CEP55: variants seen among roughly 807,000 people sequenced by gnomAD.
CEP55 encodes centrosomal protein of 55 kDa.
In CEP55, 57 loss-of-function variants were observed where a neutral mutation model predicts 63.2. The ratio of observed to expected loss-of-function variants is 0.90; its 90% CI spans 0.73 to 1.13. The LOEUF (loss-of-function observed/expected upper bound fraction) is 1.13, where lower values mean the gene tolerates loss of function less well. Ranked by LOEUF, CEP55 falls within the 50% of genes most tolerant of loss-of-function variation. CEP55 has a pLI of 0.00. For missense variants in CEP55, 456 were observed against 518.9 expected, an observed-to-expected ratio of 0.88 and a Z score of 1.18; for synonymous variants, 178 against 191.6, an observed-to-expected ratio of 0.93 and a Z score of 0.59.
At chr10:93,509,072 C>T (rs976512752) in intron 4 of CEP55, among the ~76,000 whole-genome samples, 1 of 151,958 alleles carries the variant, frequency 6.6e-6, no homozygotes, top group Non-Finnish European at 1.5e-5. Context: ...TAGAAAAGTA[C>T]CTGAAAATAG....
chr10:93,499,548 G>T (rs1438291559), intron 1 of CEP55, among the ~76,000 whole-genome samples: 1 of 136,482 alleles, frequency 7.3e-6, no homozygotes, highest in Admixed American at 7.7e-5. Context: ...TTGAGACGGA[G>T]TCTTGCTGTG....
In CEP55 at chr10:93,502,970, G is replaced by T; in HGVS notation, c.184-143G>T. ...TGAGCTATCTGAACATAAAACTTTG[G>T]CTTCCTAATCTTTTTTGGCCTTGGT... On this transcript the variant is annotated intron_variant, in intron 2 of 8. Coordinates refer to ENST00000371485, the MANE Select transcript of CEP55 (RefSeq NM_018131.5). 3 of 730,096 alleles carry T rather than the reference G, an allele frequency of 4.1e-6. No individual in the cohort carries two copies. In the South Asian group the frequency reaches 6.0e-5, roughly 15 times the overall value. 45.2% of individuals were successfully genotyped at this position (730,096 alleles called of 1,614,324 possible). A position where few individuals can be genotyped will look rare whatever the true frequency, so the allele number is the denominator to read the frequency against.
At chr10:93,511,347 A>G (rs2134472447) in intron 4 of CEP55, among the ~76,000 whole-genome samples, 1 of 152,326 alleles carries the variant, frequency 6.6e-6, no homozygotes, top group African/African-American at 2.4e-5. Flanking sequence ...CAAAGCTGGA[A>G]GGCATATCTA....
chr10:93,497,235 T>G (rs73323481), intron 1 of CEP55, among the ~76,000 whole-genome samples: 6,942 of 152,244 alleles, frequency 0.046, 531 homozygotes, highest in African/African-American at 0.16. Context: ...ATGACTTAGG[T>G]CACTTCAGCT....
intron 2 of CEP55, 86 bp downstream of exon 2, chr10:93,500,320 C>A: frequency 1.8e-6 from 2 of 1,119,150 alleles, no homozygotes; most frequent in Non-Finnish European, 2.6e-6. Context: ...CTTACTCTTG[C>A]CGTGTTCCCT....
At chr10:93,519,418 T>G (rs1028261967) in intron 7 of CEP55, among the ~76,000 whole-genome samples, 1 of 152,208 alleles carries the variant, frequency 6.6e-6, no homozygotes, top group African/African-American at 2.4e-5. Context: ...AAAAGGTGGA[T>G]AGGGAGGAGT....
Position 93,527,995 on chromosome 10 carries a change from C to T in CEP55, c.1237C>T (p.Gln413Ter). The T allele has an allele frequency of 6.2e-7, 1 of 1,613,954 alleles. No individual in the cohort carries two copies. The highest frequency in any genetic ancestry group is 8.5e-7 in the Non-Finnish European group (1 of 1,179,988). ...CATCACAGAGCCATTAGTCACTTTC[C>T]AAGGAGAGACTGAAAACAGAGAAAA... ...FAITEPLVTF[Q>*]GETENREKVA... The change falls in exon 9 of 9, where the codon CAA (glutamine) becomes TAA (stop). Residue 413 changes from glutamine (Q) to a stop codon, truncating the protein, a stop_gained. Transcript: ENST00000371485. LOFTEE classifies it high-confidence loss of function.
chr10:93,515,423 CA>C lies in CEP55; in HGVS notation c.548del (p.Gln183ArgfsTer13). The C allele has an allele frequency of 6.2e-7, 1 of 1,600,492 alleles. No homozygotes were observed. Among genetic ancestry groups the C allele is most frequent in the Non-Finnish European group, 8.5e-7 (1 of 1,169,864 alleles). On this transcript the variant is annotated frameshift_variant, in exon 5 of 9. Coordinates refer to ENST00000371485, the MANE Select transcript of CEP55 (RefSeq NM_018131.5). LOFTEE classifies it high-confidence loss of function. ...QLKDALEKNQ[Q>X]WLVYDQQREV... ...CATTAAGGCTCTGGAGAAAAATCAGCAGTGGCTCGTGTATGATCAGCAGCGG... is the reference window on the plus strand; with the variant it reads ...CATTAAGGCTCTGGAGAAAAATCAGCGTGGCTCGTGTATGATCAGCAGCGG...
At position 93,528,057 on chromosome 10, in the gene CEP55, C is replaced by T. The variant is rs768963170; in HGVS notation, c.1299C>T (p.Leu433=). Residue 433 remains leucine (L), a synonymous_variant, in exon 9 of 9, where the codon CTC becomes CTT. Transcript: ENST00000371485. ...CACCAAAAAGTCCCACTGCTGCACT[C>T]AATGAAAGCCTGGTGGAATGTCCCA... ...AASPKSPTAA[L]NESLVECPKC... 12 of 1,613,984 alleles carry T rather than the reference C, an allele frequency of 7.4e-6. No individual in the cohort carries two copies. The Admixed American group carries it at 2.0e-4, about 27-fold the overall frequency.
chr10:93,515,722 G>A (rs1008064497), intron 5 of CEP55, among the ~76,000 whole-genome samples, 167 bp downstream of exon 5: 1 of 152,134 alleles, frequency 6.6e-6, no homozygotes, highest in Non-Finnish European at 1.5e-5. Context: ...ATTTCCTAAC[G>A]TTTTCAGATC....
Position 93,503,329 on chromosome 10 carries a change from G to T in CEP55, c.400G>T (p.Ala134Ser). 1 of 1,614,196 alleles carries T rather than the reference G, an allele frequency of 6.2e-7. No individual in the cohort carries two copies. The highest frequency in any genetic ancestry group is 8.5e-7 in the Non-Finnish European group (1 of 1,180,030). ...EKDVLKQQLS[A>S]ATSRIAELES... ...AGACGTATTGAAACAACAGTTGTCT[G>T]CTGCAACCTCACGAATTGCTGAACT... Residue 134 changes from alanine (A) to serine (S), a missense_variant, in exon 3 of 9, where the codon GCT (alanine) becomes TCT (serine). Transcript: ENST00000371485.
At chr10:93,527,820 G>A in intron 8 of CEP55, 130 bp from the exon 9 acceptor site, 1 of 724,078 alleles carries the variant, frequency 1.4e-6, no homozygotes, top group Non-Finnish European at 2.3e-6. Flanking sequence ...GGTCGAGGCT[G>A]CAGTGAGCCA....
chr10:93,513,845 G>A (rs2057774515), intron 4 of CEP55, among the ~76,000 whole-genome samples: 2 of 152,206 alleles, frequency 1.3e-5, no homozygotes, highest in Non-Finnish European at 2.9e-5. Flanking sequence ...GTATATCTGT[G>A]TGTCTGCTCC....
At chr10:93,521,444 C>G (rs558772505) in intron 8 of CEP55, among the ~76,000 whole-genome samples, 1 of 152,090 alleles carries the variant, frequency 6.6e-6, no homozygotes, top group Non-Finnish European at 1.5e-5. Context: ...ACAAAGCGGC[C>G]GGGAAGCTCG....
At chr10:93,500,566 GT>G (rs1310750701) in intron 2 of CEP55, among the ~76,000 whole-genome samples, 2 of 152,108 alleles carry the variant, frequency 1.3e-5, no homozygotes, top group African/African-American at 2.4e-5. Flanking sequence ...AGTATGCTCT[GT>G]TTCTCAGTTA....
chr10:93,503,149 G>A lies in CEP55; in HGVS notation c.220G>A (p.Ala74Thr). 3 of 1,614,076 alleles carry A rather than the reference G, an allele frequency of 1.9e-6. No homozygotes were observed. Among genetic ancestry groups the A allele is most frequent in the Non-Finnish European group, 2.5e-6 (3 of 1,179,996 alleles). Reference sequence around the variant, plus strand: ...CCTTGAGGCTGAGAAGGAGAAGAATGCTTATCAACTCACAGAGAAGGACAA... The same window carrying A: ...CCTTGAGGCTGAGAAGGAGAAGAATACTTATCAACTCACAGAGAAGGACAA... ...RVLEAEKEKN[A>T]YQLTEKDKEI... Residue 74 changes from alanine (A) to threonine (T), a missense_variant, in exon 3 of 9, where the codon GCT becomes ACT. Ala to Thr is a moderately conservative substitution (Grantham distance 58, BLOSUM62 0). Coordinates refer to ENST00000371485, the MANE Select transcript of CEP55 (RefSeq NM_018131.5).
chr10:93,519,521 G>A (rs1223676482), intron 7 of CEP55, among the ~76,000 whole-genome samples, 161 bp from the exon 8 acceptor site: 3 of 152,170 alleles, frequency 2.0e-5, no homozygotes, highest in Non-Finnish European at 4.4e-5. Flanking sequence ...TCAGCCATAA[G>A]CTGCCTCGTT....
At chr10:93,526,916 C>A (rs1169620136) in intron 8 of CEP55, among the ~76,000 whole-genome samples, 1 of 152,096 alleles carries the variant, frequency 6.6e-6, no homozygotes, top group Admixed American at 6.5e-5. Context: ...GGGGACATCA[C>A]ACCCCAGGAC....
At chr10:93,498,995 G>A (rs1450275472) in intron 1 of CEP55, among the ~76,000 whole-genome samples, 3 of 139,296 alleles carry the variant, frequency 2.2e-5, no homozygotes, top group Admixed American at 2.0e-4. Context: ...CTTAATTAGA[G>A]TTACTTTTAT....
Sources: allele counts gnomAD v4.1 joint callset (sites outside exome capture counted in the v4.1 genomes callset), GRCh38; gene constraint gnomAD v4.1.1; transcripts MANE v1.5; gene names NCBI Gene and HGNC (gene_info 2026-07-23, HGNC 2026-07-21).